CACNA2D1: variants seen among roughly 807,000 people sequenced by gnomAD.
CACNA2D1 encodes voltage-dependent calcium channel subunit alpha-2/delta-1.
In CACNA2D1, 53 loss-of-function variants were observed where a neutral mutation model predicts 171.5. The ratio of observed to expected loss-of-function variants is 0.31; its 90% CI spans 0.25 to 0.39. The LOEUF (loss-of-function observed/expected upper bound fraction) is 0.39. CACNA2D1 is among the 10% of genes least tolerant of loss of function. The pLI is 1.00. For synonymous variants in CACNA2D1, 442 were observed against 443.1 expected (o/e 1.00, Z 0.03); for missense variants, 903 against 1,299.8 (o/e 0.69, Z 4.69).
chr7:82,227,227 T>G (rs1585155709), intron 3 of CACNA2D1, among the ~76,000 whole-genome samples: 3 of 152,300 alleles, frequency 2.0e-5, no homozygotes, highest in Non-Finnish European at 4.4e-5. Context: ...AGAACAAGTC[T>G]TCAAGGTTGG....
chr7:82,217,634 T>TCACACACACACACA (rs71522607), intron 3 of CACNA2D1, among the ~76,000 whole-genome samples: 26 of 140,236 alleles, frequency 1.9e-4, no homozygotes, highest in African/African-American at 6.4e-4. Flanking sequence ...TGGCACAGTT[T>TCACACACACACACA]CACACACACA....
chr7:82,291,715 G>C (rs1811658284), intron 3 of CACNA2D1, among the ~76,000 whole-genome samples: 1 of 147,702 alleles, frequency 6.8e-6, no homozygotes, highest in South Asian at 2.1e-4. Context: ...ATGTTGCCCA[G>C]GCTGGTCTCA....
chr7:81,963,835 C>A (rs1033971244), intron 34 of CACNA2D1, among the ~76,000 whole-genome samples: 2 of 151,808 alleles, frequency 1.3e-5, no homozygotes, highest in Non-Finnish European at 2.9e-5. Flanking sequence ...AGTTTACATC[C>A]GCATAACATT....
chr7:82,226,073 G>A (rs923906285), intron 3 of CACNA2D1, among the ~76,000 whole-genome samples: 2 of 152,006 alleles, frequency 1.3e-5, no homozygotes, highest in Non-Finnish European at 2.9e-5. Flanking sequence ...TAAAACAAAT[G>A]TCCTAGGTAG....
chr7:82,385,603 T>G (rs1408661541), intron 1 of CACNA2D1, among the ~76,000 whole-genome samples: 1 of 152,208 alleles, frequency 6.6e-6, no homozygotes, highest in Non-Finnish European at 1.5e-5. Flanking sequence ...CAGATACCAC[T>G]TACACTAGTA....
intron 14 of CACNA2D1, among the ~76,000 whole-genome samples, chr7:82,013,033 G>C (rs1409598969): frequency 6.6e-6 from 1 of 151,950 alleles, no homozygotes. Flanking sequence ...ATCCACAGGG[G>C]TTATTTGGGA....
At chr7:82,116,153 T>C (rs1789013487) in intron 6 of CACNA2D1, among the ~76,000 whole-genome samples, 2 of 152,134 alleles carry the variant, frequency 1.3e-5, no homozygotes, top group Non-Finnish European at 2.9e-5. Context: ...CCCTTTACTA[T>C]GTGAGAAGGC....
intron 38 of CACNA2D1, among the ~76,000 whole-genome samples, chr7:81,955,974 ATATATATTT>A (rs1321418437): frequency 2.0e-3 from 140 of 71,276 alleles, no homozygotes; most frequent in South Asian, 0.012. Flanking sequence ...ATATATATAT[ATATATATTT>A]TTTTTTTTTT....
In CACNA2D1 at chr7:81,991,217, G is replaced by T; in HGVS notation, c.1764C>A (p.Tyr588Ter). The change falls in exon 21 of 39, where the codon TAC becomes TAA. Residue 588 changes from tyrosine to a stop codon, truncating the protein, a stop_gained. Coordinates refer to ENST00000356860, the MANE Select transcript of CACNA2D1 (RefSeq NM_000722.4). LOFTEE classifies it high-confidence loss of function. ...ERYIDKGNRTYTWTPVNGTDY... is the reference protein window; with the variant it reads ...ERYIDKGNRT ...CTGTGCCATTGACAGGTGTCCATGTGTATGTCCTGTTTCCTTTGTCAATAT... is the reference window on the plus strand; with the variant it reads ...CTGTGCCATTGACAGGTGTCCATGTTTATGTCCTGTTTCCTTTGTCAATAT... 1 of 1,539,156 alleles carries T rather than the reference G, an allele frequency of 6.5e-7. No homozygotes were observed. The highest frequency in any genetic ancestry group is 9.0e-7 in the Non-Finnish European group (1 of 1,112,132).
intron 3 of CACNA2D1, among the ~76,000 whole-genome samples, chr7:82,322,901 T>A (rs1163622722): frequency 6.6e-6 from 1 of 152,146 alleles, no homozygotes; most frequent in Non-Finnish European, 1.5e-5. Flanking sequence ...AGCAAATGAA[T>A]TTACAGAGGA....
chr7:81,970,158 C>G lies in CACNA2D1; in HGVS notation c.2205-174G>C, dbSNP rs371737964. On this transcript the variant is annotated intron_variant, in intron 27 of 38. Transcript: ENST00000356860. ...ATTACTGAGCAATGCATCAGCATAG[C>G]ACTAAATTAAGAATCAGAAAAAGCT... 4.0e-5 allele frequency among the ~76,000 whole-genome samples: 6 copies of G among 151,396 alleles called. No homozygotes were observed. The East Asian group carries it at 7.7e-4, about 20-fold the overall frequency.
At chr7:82,369,982 C>G (rs750526235) in intron 1 of CACNA2D1, among the ~76,000 whole-genome samples, 2 of 151,996 alleles carry the variant, frequency 1.3e-5, no homozygotes, top group Non-Finnish European at 2.9e-5. Context: ...AAATGTCCCC[C>G]AAAATCTTTT....
intron 12 of CACNA2D1, among the ~76,000 whole-genome samples, chr7:82,018,691 T>C (rs982087084): frequency 5.9e-5 from 9 of 152,036 alleles, no homozygotes; most frequent in Admixed American, 2.6e-4. Context: ...CTTAATAAAA[T>C]TGAACTTAAA....
chr7:82,225,752 T>G (rs1029276105), intron 3 of CACNA2D1, among the ~76,000 whole-genome samples: 1 of 152,202 alleles, frequency 6.6e-6, no homozygotes, highest in Non-Finnish European at 1.5e-5. Flanking sequence ...AGTTGCTGGT[T>G]TCAGTCATTT....
At chr7:82,172,803 TATA>T (rs955449548) in intron 3 of CACNA2D1, among the ~76,000 whole-genome samples, 1 of 148,278 alleles carries the variant, frequency 6.7e-6, no homozygotes, top group African/African-American at 2.5e-5. Context: ...AAAAAAGCAG[TATA>T]ATAATAGTAA....
At chr7:82,100,003 G>A (rs1176691808) in intron 6 of CACNA2D1, among the ~76,000 whole-genome samples, 2 of 151,928 alleles carry the variant, frequency 1.3e-5, no homozygotes, top group East Asian at 1.9e-4. Flanking sequence ...CAAGGTGATG[G>A]GTTGCATGTT....
Position 82,116,991 on chromosome 7 carries a change from TA to T in CACNA2D1, c.526+52del, listed in dbSNP as rs551506938. ...TTTTCCCCCTCAAACATGGGAAACA[TA>T]AGACAGGCGAGAGCATGGTATTCCA... On this transcript the variant is annotated intron_variant, in intron 6 of 38. Transcript: ENST00000356860. 318 of 1,598,000 alleles carry T rather than the reference TA, an allele frequency of 2.0e-4. 1 individual carries two copies. The African/African-American group carries it at 3.9e-3, about 20-fold the overall frequency.
At chr7:82,089,431 A>C (rs536606535) in intron 6 of CACNA2D1, among the ~76,000 whole-genome samples, 9 of 152,208 alleles carry the variant, frequency 5.9e-5, no homozygotes, top group Non-Finnish European at 1.3e-4. Flanking sequence ...TCTTTTATAG[A>C]TGTCCAAGGC....
At chr7:82,203,188 C>T (rs547284295) in intron 3 of CACNA2D1, among the ~76,000 whole-genome samples, 1 of 152,088 alleles carries the variant, frequency 6.6e-6, no homozygotes, top group African/African-American at 2.4e-5. Flanking sequence ...AGCTGACAAT[C>T]GACTTGTACC....
Sources: gnomAD v4.1 joint callset for allele counts (sites outside exome capture counted in the v4.1 genomes callset) on GRCh38, gnomAD v4.1.1 for gene constraint, MANE v1.5 for transcripts, NCBI Gene and HGNC (gene_info 2026-07-23, HGNC 2026-07-21) for gene names.